TNFSF13B: variants seen among roughly 807,000 people sequenced by gnomAD.
TNFSF13B encodes TNF superfamily member 13b, also known as tumor necrosis factor ligand superfamily member 13B.
Under a neutral mutation model 29.1 loss-of-function variants are expected in TNFSF13B, and 8 were observed. The observed-to-expected ratio is 0.27, with a 90% CI of 0.16 to 0.50. The LOEUF (loss-of-function observed/expected upper bound fraction) is 0.50. Among genes scored for constraint, TNFSF13B ranks in the 20% least tolerant of loss-of-function variants. TNFSF13B has a pLI of 0.98. For missense variants in TNFSF13B, 248 were observed against 334.9 expected (o/e 0.74, Z 2.03); for synonymous variants, 125 against 130.8 (o/e 0.96, Z 0.30).
At chr13:108,274,099 A>G (rs554138872) in intron 2 of TNFSF13B, among the ~76,000 whole-genome samples, 4 of 152,250 alleles carry the variant, frequency 2.6e-5, no homozygotes, top group African/African-American at 9.6e-5. Flanking sequence ...TACACTACAT[A>G]ATACATATAA....
chr13:108,301,724 T>C (rs1292427863), intron 3 of TNFSF13B, among the ~76,000 whole-genome samples: 2 of 152,144 alleles, frequency 1.3e-5, no homozygotes, highest in African/African-American at 4.8e-5. Flanking sequence ...AGATCTCGTG[T>C]ACAACATGGT....
chr13:108,272,051 C>A (rs1033531014), intron 2 of TNFSF13B, among the ~76,000 whole-genome samples: 1 of 152,050 alleles, frequency 6.6e-6, no homozygotes, highest in Non-Finnish European at 1.5e-5. Flanking sequence ...TGTGGTGTAC[C>A]GGTTCTCCAC....
intron 2 of TNFSF13B, among the ~76,000 whole-genome samples, chr13:108,283,314 A>G (rs1344337388): frequency 1.3e-5 from 2 of 152,252 alleles, no homozygotes; most frequent in African/African-American, 4.8e-5. Context: ...CAATTTCACC[A>G]TTGTGCAAAC....
intron 5 of TNFSF13B, 144 bp from the exon 6 acceptor site, chr13:108,306,682 T>C: frequency 7.8e-6 from 4 of 511,690 alleles, no homozygotes; most frequent in Non-Finnish European, 1.4e-5. Flanking sequence ...ATAATTGCAA[T>C]GGTTTAGAAG....
rs1410914236 is a variant in TNFSF13B at position 108,270,478 on chromosome 13, A to G, written c.424+54A>G. 8 of 1,526,412 alleles carry G rather than the reference A, an allele frequency of 5.2e-6. No individual in the cohort carries two copies. In the East Asian group the frequency reaches 1.8e-4, roughly 34 times the overall value. 94.6% of individuals were successfully genotyped at this position (1,526,412 alleles called of 1,614,324 possible). On this transcript the variant is annotated intron_variant, in intron 2 of 5. Transcript: ENST00000375887. ...AGTCAGGGATTAGAGAATAACATCCAGTCTGGGGGAGCTGGAGGTGAGTAT... is the reference window on the plus strand; with the variant it reads ...AGTCAGGGATTAGAGAATAACATCCGGTCTGGGGGAGCTGGAGGTGAGTAT...
intron 2 of TNFSF13B, among the ~76,000 whole-genome samples, chr13:108,282,084 T>C (rs904314858): frequency 1.3e-5 from 2 of 152,090 alleles, no homozygotes; most frequent in African/African-American, 4.8e-5. Flanking sequence ...TAAAAACATA[T>C]GGTGCAATAA....
intron 3 of TNFSF13B, among the ~76,000 whole-genome samples, chr13:108,294,292 AC>A (rs765554856): frequency 1.3e-4 from 20 of 151,160 alleles, no homozygotes; most frequent in Non-Finnish European, 2.4e-4. Context: ...TGATTCTCGC[AC>A]CTCAGCCTCC....
intron 2 of TNFSF13B, among the ~76,000 whole-genome samples, chr13:108,284,889 C>G (rs540367677): frequency 6.6e-6 from 1 of 152,324 alleles, no homozygotes; most frequent in South Asian, 2.1e-4. Context: ...AGAGACTGTA[C>G]GCTTGGGGCT....
intron 2 of TNFSF13B, among the ~76,000 whole-genome samples, chr13:108,282,025 G>A (rs1880972424): frequency 6.6e-6 from 1 of 151,988 alleles, no homozygotes; most frequent in Non-Finnish European, 1.5e-5. Context: ...CAAATGATAA[G>A]TTTTGCAGAA....
intron 2 of TNFSF13B, among the ~76,000 whole-genome samples, chr13:108,284,308 G>A (rs1442515769): frequency 1.3e-5 from 2 of 152,074 alleles, no homozygotes; most frequent in African/African-American, 2.4e-5. Context: ...CAGCCTGGGC[G>A]ACAGAGCGAG....
intron 2 of TNFSF13B, among the ~76,000 whole-genome samples, 194 bp downstream of exon 2, chr13:108,270,618 T>C (rs553701864): frequency 2.0e-4 from 30 of 152,282 alleles, no homozygotes; most frequent in African/African-American, 6.5e-4. Flanking sequence ...GTGTGCTTTT[T>C]CCTCCAATGA....
intron 3 of TNFSF13B, among the ~76,000 whole-genome samples, chr13:108,293,643 T>C (rs1253182767): frequency 6.6e-6 from 1 of 152,236 alleles, no homozygotes; most frequent in Non-Finnish European, 1.5e-5. Context: ...TTTTATGTCC[T>C]TGGGTAAATT....
intron 2 of TNFSF13B, among the ~76,000 whole-genome samples, chr13:108,277,635 A>G (rs1880798034): frequency 6.6e-6 from 1 of 152,184 alleles, no homozygotes; most frequent in African/African-American, 2.4e-5. Context: ...CCATAGACAG[A>G]GCAGCCCTCA....
chr13:108,288,307 G>C (rs1881201746), intron 3 of TNFSF13B, among the ~76,000 whole-genome samples: 1 of 152,056 alleles, frequency 6.6e-6, no homozygotes. Flanking sequence ...TATGTTTACT[G>C]GGTGTATCAG....
At chr13:108,279,690 T>A (rs1880877708) in intron 2 of TNFSF13B, among the ~76,000 whole-genome samples, 1 of 152,132 alleles carries the variant, frequency 6.6e-6, no homozygotes, top group African/African-American at 2.4e-5. Context: ...CAGGAGGAAA[T>A]GCAAATGATG....
At chr13:108,287,830 C>T (rs1223049016) in intron 3 of TNFSF13B, among the ~76,000 whole-genome samples, 1 of 152,084 alleles carries the variant, frequency 6.6e-6, no homozygotes, top group Non-Finnish European at 1.5e-5. Flanking sequence ...TAATTTTAGA[C>T]AAGTTAAGTG....
At chr13:108,302,989 A>G in intron 3 of TNFSF13B, 1 of 510,288 alleles carries the variant, frequency 2.0e-6, no homozygotes, top group Non-Finnish European at 2.8e-6. Context: ...AGACCAATAA[A>G]GGGAAAACCC....
intron 2 of TNFSF13B, among the ~76,000 whole-genome samples, chr13:108,281,718 A>T (rs1880962902): frequency 6.6e-6 from 1 of 152,190 alleles, no homozygotes; most frequent in Admixed American, 6.5e-5. Flanking sequence ...CTCAAAATTC[A>T]AAGTTCTCGA....
intron 3 of TNFSF13B, among the ~76,000 whole-genome samples, chr13:108,300,516 A>G (rs1432677893): frequency 1.3e-5 from 2 of 152,202 alleles, no homozygotes; most frequent in Non-Finnish European, 2.9e-5. Context: ...CAGTAACTGT[A>G]TTAACTCTTC....
Sources: gnomAD v4.1 joint callset for allele counts (sites outside exome capture counted in the v4.1 genomes callset) on GRCh38, gnomAD v4.1.1 for gene constraint, MANE v1.5 for transcripts, NCBI Gene and HGNC (gene_info 2026-07-23, HGNC 2026-07-21) for gene names.